The following NT5DC3 variants were observed in gnomAD, a reference collection of about 807,000 sequenced individuals.
The protein encoded by NT5DC3 is 5'-nucleotidase domain-containing protein 3.
In NT5DC3, 42 loss-of-function variants were observed where a neutral mutation model predicts 67.8. The ratio of observed to expected loss-of-function variants is 0.62; its 90% confidence interval spans 0.48 to 0.80. NT5DC3 has a LOEUF of 0.80. Ranked by LOEUF, NT5DC3 falls within the 30% of genes least tolerant of loss-of-function variation. The pLI is 0.00. For missense variants in NT5DC3, 570 were observed against 696.4 expected (o/e 0.82, Z 2.04); for synonymous variants, 237 against 255.6 (o/e 0.93, Z 0.69).
chr12:103,780,531 C>T (rs1235358708), intron 12 of NT5DC3, among the ~76,000 whole-genome samples, 167 bp from the exon 13 acceptor site: 1 of 152,198 alleles, frequency 6.6e-6, no homozygotes, highest in East Asian at 1.9e-4. Context: ...CCAGTTGAAA[C>T]CCTGCCTTCT....
chr12:103,824,197 T>A (rs1454037128), intron 1 of NT5DC3, among the ~76,000 whole-genome samples: 2 of 152,266 alleles, frequency 1.3e-5, no homozygotes, highest in Admixed American at 6.5e-5. Flanking sequence ...AGTGTGACTT[T>A]GAAGGCCAAG....
chr12:103,757,639 G>A, the NT5DC3 span, among the ~76,000 whole-genome samples: 1 of 152,216 alleles, frequency 6.6e-6, no homozygotes, highest in Non-Finnish European at 1.5e-5. Flanking sequence ...AGTGAGCCAT[G>A]CAGACTTAGG....
chr12:103,839,100 C>A (rs1170196625), intron 1 of NT5DC3, among the ~76,000 whole-genome samples: 1 of 152,194 alleles, frequency 6.6e-6, no homozygotes, highest in Non-Finnish European at 1.5e-5. Flanking sequence ...TGCTCTCATG[C>A]ATGTGCACAC....
At chr12:103,799,811 A>AAAAATAAAAAT (rs1886488057) in intron 4 of NT5DC3, among the ~76,000 whole-genome samples, 1 of 152,008 alleles carries the variant, frequency 6.6e-6, no homozygotes, top group African/African-American at 2.4e-5. Flanking sequence ...TACCAAAAAA[A>AAAAATAAAAAT]AAAAAAGATT....
rs1291586655 is a variant in NT5DC3, at chr12:103,772,377, A to G, written c.*5452T>C. The G allele has an allele frequency of 6.6e-6, 1 of 152,614 alleles. No individual in the cohort carries two copies. Among genetic ancestry groups the G allele is most frequent in the Non-Finnish European group, 1.5e-5 (1 of 68,044 alleles). 9.5% of individuals were successfully genotyped at this position (152,614 alleles called of 1,614,324 possible). On this transcript the variant is annotated 3_prime_UTR_variant, in exon 14 of 14. Transcript: ENST00000392876. ...AACACATAAAATCAACATTTAAAAT[A>G]AATAGCAAATTCACATCTAGAATAA...
chr12:103,794,148 C>CT (rs766607290), intron 6 of NT5DC3, 151 bp from the exon 7 acceptor site: 79,237 of 480,250 alleles, frequency 0.16, 4,274 homozygotes, highest in East Asian at 0.31. Context: ...CCATTTTCTT[C>CT]TTCTTTTTTT....
At chr12:103,823,158 C>T (rs1233901815) in intron 1 of NT5DC3, among the ~76,000 whole-genome samples, 1 of 149,962 alleles carries the variant, frequency 6.7e-6, no homozygotes, top group African/African-American at 2.5e-5. Flanking sequence ...AAAGAATATA[C>T]AGATCAGGAG....
At chr12:103,759,713 G>C in the NT5DC3 span, among the ~76,000 whole-genome samples, 5 of 151,846 alleles carry the variant, frequency 3.3e-5, no homozygotes, top group African/African-American at 1.2e-4. Flanking sequence ...TGGTGATGAT[G>C]ATACAGGTCA....
At chr12:103,755,415 A>T in the NT5DC3 span, 1 of 1,614,070 alleles carries the variant, frequency 6.2e-7, no homozygotes, top group Non-Finnish European at 8.5e-7. Flanking sequence ...TGGACTATGG[A>T]CCTAGACCCA....
At chr12:103,758,173 G>A in the NT5DC3 span, 1 of 1,613,960 alleles carries the variant, frequency 6.2e-7, no homozygotes, top group East Asian at 2.2e-5. Context: ...TCCCCAGGAA[G>A]TGCTGGCCTA....
the NT5DC3 span, chr12:103,759,062 T>C: frequency 6.2e-7 from 1 of 1,611,968 alleles, no homozygotes; most frequent in South Asian, 1.1e-5. Context: ...TTCTTCGTCA[T>C]CCCCATCATT....
chr12:103,787,576 T>C, intron 10 of NT5DC3, 49 bp from the exon 11 acceptor site: 2 of 1,069,782 alleles, frequency 1.9e-6, no homozygotes, highest in Non-Finnish European at 2.8e-6. Flanking sequence ...TAGAGATCTG[T>C]CTAACCCACA....
At chr12:103,793,846 T>G in intron 7 of NT5DC3, 91 bp downstream of exon 7, 1 of 1,056,316 alleles carries the variant, frequency 9.5e-7, no homozygotes, top group Non-Finnish European at 1.5e-6. Flanking sequence ...CAGCCTCTGC[T>G]TAGCACCTGG....
chr12:103,812,982 G>A (rs1887099826), intron 2 of NT5DC3, among the ~76,000 whole-genome samples: 2 of 152,352 alleles, frequency 1.3e-5, no homozygotes, highest in South Asian at 4.1e-4. Flanking sequence ...GAGGAATTGA[G>A]TGAGTCAATC....
chr12:103,810,253 G>T (rs989282232), intron 2 of NT5DC3, among the ~76,000 whole-genome samples: 14 of 152,120 alleles, frequency 9.2e-5, no homozygotes, highest in Non-Finnish European at 4.4e-5. Context: ...CCCCTAAATT[G>T]TAATCTCCCC....
the NT5DC3 span, chr12:103,746,394 A>C: frequency 7.4e-6 from 4 of 537,258 alleles, no homozygotes; most frequent in South Asian, 4.5e-5. Context: ...TGCAGAGATC[A>C]TGTCTTACTA....
intron 1 of NT5DC3, among the ~76,000 whole-genome samples, chr12:103,815,588 A>G (rs1887217776): frequency 6.6e-6 from 1 of 151,924 alleles, no homozygotes; most frequent in Non-Finnish European, 1.5e-5. Context: ...CACCCTACTA[A>G]TTTTTGTAAT....
At chr12:103,827,236 AT>A (rs1477292655) in intron 1 of NT5DC3, among the ~76,000 whole-genome samples, 2 of 152,196 alleles carry the variant, frequency 1.3e-5, no homozygotes, top group African/African-American at 4.8e-5. Context: ...CAGAGTCAGA[AT>A]TTTAAATAAA....
the NT5DC3 span, among the ~76,000 whole-genome samples, chr12:103,760,254 T>G: frequency 6.6e-6 from 1 of 152,178 alleles, no homozygotes; most frequent in East Asian, 1.9e-4. Context: ...CAATGGTGTG[T>G]GGGGGGTGGT....
Sources: allele counts gnomAD v4.1 joint callset (sites outside exome capture counted in the v4.1 genomes callset), GRCh38; gene constraint gnomAD v4.1.1; transcripts MANE v1.5; gene names NCBI Gene and HGNC (gene_info 2026-07-23, HGNC 2026-07-21).